Variants in TDO2 observed in about 807,000 individuals in gnomAD.
The protein encoded by TDO2 is tryptophan 2,3-dioxygenase.
A neutral mutation model predicts 61.2 loss-of-function variants in TDO2; 63 were observed. The observed-to-expected ratio is 1.03, with a 90% CI of 0.84 to 1.27. The LOEUF is 1.27. Ranked by LOEUF, TDO2 falls within the 50% of genes most tolerant of loss-of-function variation. TDO2 has a pLI of 0.00. For synonymous variants in TDO2, 183 were observed against 164.0 expected, an observed-to-expected ratio of 1.12 and a Z score of -0.89; for missense variants, 494 against 469.5, an observed-to-expected ratio of 1.05 and a Z score of -0.48.
Position 155,920,086 on chromosome 4 carries a change from A to G in TDO2, c.*96A>G. The G allele has an allele frequency of 8.5e-7, 1 of 1,173,008 alleles. No homozygotes were observed. Among genetic ancestry groups the G allele is most frequent in the Admixed American group, 2.2e-5 (1 of 45,100 alleles). 72.7% of individuals were successfully genotyped at this position (1,173,008 alleles called of 1,614,324 possible). On this transcript the variant is annotated 3_prime_UTR_variant, in exon 12 of 12. Transcript: ENST00000536354. ...ATACAGTTTGAATATATGTATGCAT[A>G]TATTGTTCAGCACCACGATGCTCTG...
Position 155,910,134 on chromosome 4 carries a change from C to A in TDO2, c.541C>A (p.Arg181Ser). ...MRVPYNRRHY[R>S]DNFKGEENEL... ...AGTCCCTTATAACAGAAGACATTAT[C>A]GTGATAACTTCAAAGGAGAAGAAAA... Residue 181 changes from arginine (R) to serine (S), a missense_variant, in exon 6 of 12, where the codon CGT becomes AGT. By Grantham distance (110) the Arg-to-Ser change is moderately radical (BLOSUM62 -1). Transcript: ENST00000536354. 1 of 1,598,254 alleles carries A rather than the reference C, an allele frequency of 6.3e-7. No homozygotes were observed. Among genetic ancestry groups the A allele is most frequent in the South Asian group, 1.1e-5 (1 of 89,002 alleles).
chr4:155,912,241 T>C (rs1245751244), intron 7 of TDO2, among the ~76,000 whole-genome samples: 1 of 152,184 alleles, frequency 6.6e-6, no homozygotes, highest in Non-Finnish European at 1.5e-5. Context: ...TCTCTTAGCC[T>C]ATCTTTCAGC....
At position 155,903,780 on chromosome 4, in the gene TDO2, G is replaced by C; in HGVS notation, c.22G>C (p.Gly8Arg). Reference protein sequence around the residue: MSGCPFLGNNFGYTFKKL... With the variant: MSGCPFLRNNFGYTFKKL... The stretch of plus-strand genomic sequence containing the variant: ...CACCATGAGTGGGTGCCCATTTTTA[G>C]GAAACAACTTTGGGTGAGTATTTAC... The change falls in exon 1 of 12, where the codon GGA (glycine) becomes CGA (arginine). Residue 8 changes from glycine (G) to arginine (R), a missense_variant. By Grantham distance (125) the Gly-to-Arg change is moderately radical (BLOSUM62 -2). Transcript: ENST00000536354. 6.2e-7 allele frequency: 1 copy of C among 1,614,158 alleles called. No individual in the cohort carries two copies. Among genetic ancestry groups the C allele is most frequent in the Non-Finnish European group, 8.5e-7 (1 of 1,180,028 alleles).
rs1185873521 is a variant in TDO2 at position 155,910,082 on chromosome 4, C to G, written c.489C>G (p.Asn163Lys). 3 of 1,593,168 alleles carry G rather than the reference C, an allele frequency of 1.9e-6. No homozygotes were observed. Among genetic ancestry groups the G allele is most frequent in the Non-Finnish European group, 2.6e-6 (3 of 1,173,164 alleles). Reference protein sequence around the residue: ...FQSLQFRLLENKIGVLQNMRV... With the variant: ...FQSLQFRLLEKKIGVLQNMRV... ...GTTTGCAATTCCGACTATTAGAAAA[C>G]AAGATAGGTGTTCTTCAGAACATGA... is the stretch of plus-strand genomic sequence containing the variant. Residue 163 changes from asparagine (N) to lysine (K), a missense_variant, in exon 6 of 12, where the codon AAC becomes AAG. Asn to Lys is a moderately conservative substitution (Grantham distance 94, BLOSUM62 0). Transcript: ENST00000536354.
In TDO2 at chr4:155,910,135, G is replaced by A. The variant is rs374938550; in HGVS notation, c.542G>A (p.Arg181His). Residue 181 changes from arginine to histidine, a missense_variant, in exon 6 of 12, where the codon CGT (arginine) becomes CAT (histidine). Physicochemically the swap from Arg to His is conservative, Grantham distance 29. Transcript: ENST00000536354. ...MRVPYNRRHY[R>H]DNFKGEENEL... ...GTCCCTTATAACAGAAGACATTATC[G>A]TGATAACTTCAAAGGAGAAGAAAAT... 16 of 1,598,122 alleles carry A rather than the reference G, an allele frequency of 1.0e-5. No homozygotes were observed. Among genetic ancestry groups the A allele is most frequent in the African/African-American group, 1.4e-5 (1 of 73,592 alleles).
chr4:155,908,756 A>C (rs2110868985), intron 4 of TDO2, 131 bp from the exon 5 acceptor site: 1 of 1,179,246 alleles, frequency 8.5e-7, no homozygotes, highest in South Asian at 1.7e-5. Flanking sequence ...ACTCTTTGCA[A>C]ATTTTAGTTT....
chr4:155,908,779 T>C, intron 4 of TDO2, 108 bp from the exon 5 acceptor site: 1 of 1,412,368 alleles, frequency 7.1e-7, no homozygotes, highest in Non-Finnish European at 9.4e-7. Flanking sequence ...AAGTTTCCCT[T>C]TAAAACCAAA....
chr4:155,915,263 T>C (rs1363903952), intron 8 of TDO2, among the ~76,000 whole-genome samples: 1 of 152,170 alleles, frequency 6.6e-6, no homozygotes, highest in Non-Finnish European at 1.5e-5. Flanking sequence ...ATAACACAAG[T>C]ACGAAACATA....
In TDO2 at chr4:155,911,576, G is replaced by T; in HGVS notation, c.698G>T (p.Gly233Val). The T allele has an allele frequency of 6.3e-7, 1 of 1,579,916 alleles. No individual in the cohort carries two copies. Among genetic ancestry groups the T allele is most frequent in the African/African-American group, 1.4e-5 (1 of 73,576 alleles). ...AAGCTTGAAAAAAATATCACCAGAG[G>T]CCTGGAAGAGGAATTCATAAGGATT... ...WGKLEKNITR[G>V]LEEEFIRIQA... Residue 233 changes from glycine (G) to valine (V), a missense_variant, in exon 7 of 12, where the codon GGC becomes GTC. Coordinates refer to ENST00000536354, the MANE Select transcript of TDO2 (RefSeq NM_005651.4).
At chr4:155,915,451 T>G (rs567576355) in intron 8 of TDO2, among the ~76,000 whole-genome samples, 114 of 152,286 alleles carry the variant, frequency 7.5e-4, no homozygotes, top group African/African-American at 2.7e-3. Flanking sequence ...AAAAACAAGT[T>G]AACTAATGTC....
intron 7 of TDO2, among the ~76,000 whole-genome samples, chr4:155,913,309 T>C (rs1282400681): frequency 6.6e-6 from 1 of 152,140 alleles, no homozygotes; most frequent in African/African-American, 2.4e-5. Flanking sequence ...CACATTCATG[T>C]GGTCAAGCCA....
intron 2 of TDO2, among the ~76,000 whole-genome samples, chr4:155,904,586 G>A (rs972204615): frequency 6.6e-6 from 1 of 152,078 alleles, no homozygotes; most frequent in Admixed American, 6.6e-5. Flanking sequence ...TGAGGTATTG[G>A]GAGATTATTC....
At chr4:155,905,383 C>A in intron 3 of TDO2, 1 of 411,396 alleles carries the variant, frequency 2.4e-6, no homozygotes, top group Non-Finnish European at 4.3e-6. Context: ...AGGACTTTAG[C>A]TTTGTTCTTA....
At chr4:155,906,125 C>T (rs192215531) in intron 3 of TDO2, 31 of 152,210 alleles carry the variant, frequency 2.0e-4, no homozygotes, top group African/African-American at 7.5e-4. Flanking sequence ...CTCAGGACCT[C>T]CATTTCCCCA....
chr4:155,917,570 C>A, intron 10 of TDO2, 96 bp downstream of exon 10: 1 of 997,126 alleles, frequency 1.0e-6, no homozygotes, highest in Non-Finnish European at 1.5e-6. Context: ...CACTTTCTCT[C>A]TTTCCCCCTC....
intron 10 of TDO2, 92 bp downstream of exon 10, chr4:155,917,566 C>G: frequency 9.7e-7 from 1 of 1,029,400 alleles, no homozygotes; most frequent in Non-Finnish European, 1.4e-6. Context: ...TGCCCACTTT[C>G]TCTCTTTCCC....
chr4:155,906,661 T>C (rs1280812935), intron 3 of TDO2: 1 of 152,174 alleles, frequency 6.6e-6, no homozygotes, highest in Admixed American at 6.5e-5. Flanking sequence ...AAGTCCTTAG[T>C]TTCTAGTGAC....
chr4:155,906,028 T>C (rs1361955621), intron 3 of TDO2: 1 of 152,162 alleles, frequency 6.6e-6, no homozygotes, highest in Non-Finnish European at 1.5e-5. Flanking sequence ...AATCATGGTA[T>C]GGTAGCATAA....
Position 155,910,036 on chromosome 4 carries a change from C to T in TDO2, c.443C>T (p.Ser148Phe). 1 of 1,556,228 alleles carries T rather than the reference C, an allele frequency of 6.4e-7. No homozygotes were observed. Among genetic ancestry groups the T allele is most frequent in the Non-Finnish European group, 8.6e-7 (1 of 1,157,654 alleles). The change falls in exon 6 of 12, where the codon TCT becomes TTT. Residue 148 changes from serine to phenylalanine, a missense_variant. By Grantham distance (155) the Ser-to-Phe change is radical. Coordinates refer to ENST00000536354, the MANE Select transcript of TDO2 (RefSeq NM_005651.4). ...ATTTAATCTCAAAGAGAGTACTTAT[C>T]TCCAGCATCAGGCTTCCAGAGTTTG... ...LDFNDFREYL[S>F]PASGFQSLQF...
Sources: gnomAD v4.1 joint callset for allele counts (sites outside exome capture counted in the v4.1 genomes callset) on GRCh38, gnomAD v4.1.1 for gene constraint, MANE v1.5 for transcripts, NCBI Gene and HGNC (gene_info 2026-07-23, HGNC 2026-07-21) for gene names.